The following ISG20 variants were observed in gnomAD, a reference collection of about 807,000 sequenced individuals.
ISG20 encodes the protein interferon-stimulated gene 20 kDa protein.
Under a neutral mutation model 11.1 loss-of-function variants are expected in ISG20, and 8 were observed. The ratio of observed to expected loss-of-function variants is 0.72; its 90% CI spans 0.42 to 1.30. The LOEUF is 1.30. ISG20 is among the 50% of genes most tolerant of loss of function. ISG20 has a pLI of 0.01. For missense variants in ISG20, 243 were observed against 250.2 expected (o/e 0.97, Z 0.19); for synonymous variants, 110 against 101.7 (o/e 1.08, Z -0.49).
intron 2 of ISG20, chr15:88,651,873 A>C: frequency 7.2e-7 from 1 of 1,382,290 alleles, no homozygotes; most frequent in Non-Finnish European, 9.4e-7. Flanking sequence ...GCTCCTACAC[A>C]GTTCAGCTCC....
chr15:88,655,239 C>T (rs1251508886), intron 3 of ISG20, among the ~76,000 whole-genome samples, 176 bp from the exon 4 acceptor site: 2 of 152,252 alleles, frequency 1.3e-5, no homozygotes, highest in Admixed American at 1.3e-4. Context: ...GAAGGCAGGC[C>T]AGCTCCAGCC....
At position 88,639,593 on chromosome 15, in the gene ISG20, A is replaced by C; in HGVS notation, c.227A>C (p.Glu76Ala). The change falls in exon 2 of 4, where the codon GAG (glutamate) becomes GCG (alanine). Residue 76 changes from glutamate (E) to alanine (A), a missense_variant and splice_region_variant. By Grantham distance (107) the Glu-to-Ala change is moderately radical. Coordinates refer to ENST00000306072, the MANE Select transcript of ISG20 (RefSeq NM_002201.6). This position sits in a 1 kb window ranked among gnomAD's most constrained non-coding sequence, Gnocchi z 4.2. Reference sequence around the variant, plus strand: ...ACACCATTTGCCGTGGCCAGGCTAGAGGTGAGTGAAGGCCCGGCCAGCAGG... The same window carrying C: ...ACACCATTTGCCGTGGCCAGGCTAGCGGTGAGTGAAGGCCCGGCCAGCAGG... ...GATPFAVARL[E>A]ILQLLKGKLV... The C allele has an allele frequency of 1.2e-6, 2 of 1,612,456 alleles. No homozygotes were observed. Among genetic ancestry groups the C allele is most frequent in the Non-Finnish European group, 1.7e-6 (2 of 1,178,598 alleles).
chr15:88,651,600 A>G lies in ISG20; in HGVS notation c.229-510A>G, dbSNP rs79410495. The G allele has an allele frequency of 3.9e-4, 78 of 197,888 alleles. 1 individual carries two copies. In the East Asian group the frequency reaches 0.013, roughly 33 times the overall value. 12.3% of individuals were successfully genotyped at this position (197,888 alleles called of 1,614,324 possible). A position where few individuals can be genotyped will look rare whatever the true frequency, so the allele number is the denominator to read the frequency against. ...TCCACATGTAAGGAGGCTTGTGATTATGTTGGGACCACATGGGTAGGCCAG... is the reference window on the plus strand; with the variant it reads ...TCCACATGTAAGGAGGCTTGTGATTGTGTTGGGACCACATGGGTAGGCCAG... On this transcript the variant is annotated intron_variant, in intron 2 of 3. Transcript: ENST00000306072.
At chr15:88,651,072 A>G (rs141642214) in intron 2 of ISG20, 251 of 397,616 alleles carry the variant, frequency 6.3e-4, no homozygotes, top group African/African-American at 5.3e-3. Context: ...TGGTGGCCGG[A>G]CTTCTTATAG....
intron 3 of ISG20, among the ~76,000 whole-genome samples, chr15:88,654,585 G>A (rs756579982): frequency 3.9e-5 from 6 of 152,122 alleles, no homozygotes; most frequent in East Asian, 1.9e-4. Flanking sequence ...CGGGGCATGC[G>A]AAGGGAGATG....
rs2058368399 is a variant in ISG20 at position 88,655,909 on chromosome 15, T to C, written c.*378T>C. 1 of 165,182 alleles carries C rather than the reference T, an allele frequency of 6.1e-6. No individual in the cohort carries two copies. The highest frequency in any genetic ancestry group is 1.4e-4 in the South Asian group (1 of 7,010). The allele number at this position is 165,182 out of a possible 1,614,324, so 10.2% of individuals were successfully genotyped here. On this transcript the variant is annotated 3_prime_UTR_variant, in exon 4 of 4. Transcript: ENST00000306072. ...ATTTATGCCCAGAGAGGTGGCATTATTTCCTGGGGTGGCATTCAGCTCCTC... is the reference window on the plus strand; with the variant it reads ...ATTTATGCCCAGAGAGGTGGCATTACTTCCTGGGGTGGCATTCAGCTCCTC...
At chr15:88,651,204 A>G in intron 2 of ISG20, 1 of 985,474 alleles carries the variant, frequency 1.0e-6, no homozygotes, top group South Asian at 4.7e-5. Context: ...TTTTAAAATC[A>G]TCAGAGTAAG....
chr15:88,646,647 C>T (rs2058178883), intron 2 of ISG20, among the ~76,000 whole-genome samples: 1 of 152,192 alleles, frequency 6.6e-6, no homozygotes, highest in Non-Finnish European at 1.5e-5. Context: ...GCTCACGGGC[C>T]CCCAAATGTG....
chr15:88,637,653 T>C (rs1048484744), upstream of ISG20, among the ~76,000 whole-genome samples: 10 of 152,098 alleles, frequency 6.6e-5, no homozygotes, highest in African/African-American at 2.2e-4. Context: ...GTGTTCTGAC[T>C]GAGACCCGAG....
At chr15:88,641,373 A>G (rs2058078073) in intron 2 of ISG20, among the ~76,000 whole-genome samples, 1 of 152,094 alleles carries the variant, frequency 6.6e-6, no homozygotes, top group Admixed American at 6.5e-5. Context: ...TGCCATAACA[A>G]AGCACCACAC....
Position 88,639,290 on chromosome 15 carries a change from T to C in ISG20, c.-24-53T>C. The C allele has an allele frequency of 2.5e-6, 3 of 1,184,834 alleles. No individual in the cohort carries two copies. Among genetic ancestry groups the C allele is most frequent in the Non-Finnish European group, 3.6e-6 (3 of 841,264 alleles). The allele number at this position is 1,184,834 out of a possible 1,614,324, so 73.4% of individuals were successfully genotyped here. Reference sequence around the variant, plus strand: ...CCAGCTGGGGTTGGCTGAGGACACCTGGAGGCTTGGTTTGCCCAAGCGTGA... The same window carrying C: ...CCAGCTGGGGTTGGCTGAGGACACCCGGAGGCTTGGTTTGCCCAAGCGTGA... On this transcript the variant is annotated intron_variant, in intron 1 of 3. Coordinates refer to ENST00000306072, the MANE Select transcript of ISG20 (RefSeq NM_002201.6). This position sits in a 1 kb window ranked among gnomAD's most constrained non-coding sequence, Gnocchi z 4.2.
At chr15:88,655,256 T>G (rs1222154188) in intron 3 of ISG20, among the ~76,000 whole-genome samples, 159 bp from the exon 4 acceptor site, 3 of 152,266 alleles carry the variant, frequency 2.0e-5, no homozygotes, top group Non-Finnish European at 4.4e-5. Flanking sequence ...AGCCACCTGC[T>G]GAGTCTCCTA....
At position 88,645,343 on chromosome 15, in the gene ISG20, T is replaced by C. The variant is rs116006450; in HGVS notation, c.228+5749T>C. Among the ~76,000 whole-genome samples the C allele has an allele frequency of 3.6e-3, 544 of 152,216 alleles. 3 individuals carry two copies. Among genetic ancestry groups the C allele is most frequent in the African/African-American group, 0.012 (506 of 41,516 alleles). ...GCGGTGCCTGGTTCACAGCTGATGT[T>C]TGCTAATTGCACCCATGAAGAGAGA... On this transcript the variant is annotated intron_variant, in intron 2 of 3. Transcript: ENST00000306072.
chr15:88,652,033 A>T, intron 2 of ISG20, 77 bp from the exon 3 acceptor site: 1 of 1,596,922 alleles, frequency 6.3e-7, no homozygotes, highest in East Asian at 2.2e-5. Flanking sequence ...TCAAGGAGGG[A>T]TTGCTCCCTT....
In ISG20 at chr15:88,650,191, G is replaced by A; in HGVS notation, c.229-1919G>A. On this transcript the variant is annotated intron_variant, in intron 2 of 3. Transcript: ENST00000306072. The surrounding 1 kb of genome is among the most constrained non-coding windows in gnomAD (Gnocchi z 4.0). ...CAAAGTGGGCCTGGACTAGCCACGA[G>A]CCGCCCCTTTCCCTAATAGAGCTCA... 6.6e-7 allele frequency: 1 copy of A among 1,505,186 alleles called. No homozygotes were observed. Among genetic ancestry groups the A allele is most frequent in the Non-Finnish European group, 8.9e-7 (1 of 1,119,252 alleles). The allele number at this position is 1,505,186 out of a possible 1,614,324, so 93.2% of individuals were successfully genotyped here.
At position 88,650,616 on chromosome 15, in the gene ISG20, G is replaced by C; in HGVS notation, c.229-1494G>C. The C allele has an allele frequency of 2.2e-6, 1 of 456,600 alleles. No individual in the cohort carries two copies. The highest frequency in any genetic ancestry group is 3.7e-6 in the Non-Finnish European group (1 of 272,370). The allele number at this position is 456,600 out of a possible 1,614,324, so 28.3% of individuals were successfully genotyped here. On this transcript the variant is annotated intron_variant, in intron 2 of 3. Coordinates refer to ENST00000306072, the MANE Select transcript of ISG20 (RefSeq NM_002201.6). This position sits in a 1 kb window ranked among gnomAD's most constrained non-coding sequence, Gnocchi z 4.0. ...TGCTCTGCAGCAGGACAGGCCGTCA[G>C]TTAAGGCACCTTGAAGGCTGGGGGC...
chr15:88,653,246 G>C (rs1175424148), intron 3 of ISG20, among the ~76,000 whole-genome samples: 2 of 152,176 alleles, frequency 1.3e-5, no homozygotes, highest in Non-Finnish European at 2.9e-5. Flanking sequence ...ATGGTAAGGA[G>C]TGTGTGACGG....
chr15:88,637,950 T>A (rs2058011752), upstream of ISG20, among the ~76,000 whole-genome samples: 1 of 152,144 alleles, frequency 6.6e-6, no homozygotes, highest in African/African-American at 2.4e-5. Context: ...CTCTCACACC[T>A]CAAATTTGCA....
upstream of ISG20, among the ~76,000 whole-genome samples, chr15:88,637,602 G>A (rs2058005532): frequency 6.6e-6 from 1 of 152,202 alleles, no homozygotes; most frequent in Admixed American, 6.5e-5. Context: ...GTGAGACAGA[G>A]CAGGCACAGA....
Sources: allele counts gnomAD v4.1 joint callset (sites outside exome capture counted in the v4.1 genomes callset), GRCh38; gene constraint gnomAD v4.1.1; non-coding constraint Gnocchi (gnomAD v3.1); transcripts MANE v1.5; gene names NCBI Gene and HGNC (gene_info 2026-07-23, HGNC 2026-07-21).